CHRM3: variants seen among roughly 807,000 people sequenced by gnomAD.
CHRM3 encodes muscarinic acetylcholine receptor M3.
A neutral mutation model predicts 41.8 loss-of-function variants in CHRM3; 11 were observed. That is an observed-to-expected ratio of 0.26 (90% CI 0.17 to 0.44). The LOEUF is 0.44. Among genes scored for constraint, CHRM3 ranks in the 20% least tolerant of loss-of-function variants. The probability of loss-of-function intolerance (pLI) is 1.00; values close to 1 mark genes in which losing one functional copy is unlikely to be tolerated. For missense variants in CHRM3, 571 were observed against 745.4 expected (o/e 0.77, Z 2.72); for synonymous variants, 297 against 301.4 (o/e 0.99, Z 0.15).
intron 3 of CHRM3, among the ~76,000 whole-genome samples, chr1:239,561,176 G>A (rs899258267): frequency 6.6e-6 from 1 of 152,168 alleles, no homozygotes; most frequent in African/African-American, 2.4e-5. Flanking sequence ...GTTATCTGCA[G>A]AGTCATGATG....
chr1:239,872,014 G>A (rs764615985), intron 6 of CHRM3, among the ~76,000 whole-genome samples: 4 of 152,124 alleles, frequency 2.6e-5, no homozygotes, highest in Non-Finnish European at 4.4e-5. Context: ...TAATTGGCCC[G>A]TCATTGTTCG....
At chr1:239,543,664 C>T (rs1425182186) in intron 2 of CHRM3, among the ~76,000 whole-genome samples, 1 of 151,980 alleles carries the variant, frequency 6.6e-6, no homozygotes, top group African/African-American at 2.4e-5. Flanking sequence ...CCCACCACCA[C>T]GCCCGGCTAA....
chr1:239,391,839 C>G (rs1221845190), intron 1 of CHRM3, among the ~76,000 whole-genome samples: 1 of 152,294 alleles, frequency 6.6e-6, no homozygotes, highest in East Asian at 1.9e-4. Flanking sequence ...CTGGCAGATG[C>G]CTTGTGGGCT....
chr1:239,608,703 T>G (rs1361282245), intron 3 of CHRM3, among the ~76,000 whole-genome samples: 1 of 152,182 alleles, frequency 6.6e-6, no homozygotes, highest in Non-Finnish European at 1.5e-5. Flanking sequence ...AGGTCAACAT[T>G]TGTGGGTTCC....
chr1:239,530,097 G>A (rs551726426), intron 2 of CHRM3, among the ~76,000 whole-genome samples: 2 of 152,174 alleles, frequency 1.3e-5, no homozygotes, highest in East Asian at 1.9e-4. Context: ...TAGAGATGGG[G>A]TTTCACCGTG....
intron 6 of CHRM3, among the ~76,000 whole-genome samples, chr1:239,828,394 A>G (rs1672635267): frequency 6.6e-6 from 1 of 152,166 alleles, no homozygotes; most frequent in Non-Finnish European, 1.5e-5. Context: ...ACACAGGTGT[A>G]TATATACACA....
intron 2 of CHRM3, among the ~76,000 whole-genome samples, chr1:239,529,505 G>C (rs1442624779): frequency 6.6e-6 from 1 of 151,340 alleles, no homozygotes; most frequent in African/African-American, 2.4e-5. Flanking sequence ...CCAGCCACTC[G>C]GGAGGCTGAG....
At chr1:239,813,381 TAA>T (rs1246591601) in intron 5 of CHRM3, among the ~76,000 whole-genome samples, 1 of 152,136 alleles carries the variant, frequency 6.6e-6, no homozygotes, top group East Asian at 1.9e-4. Context: ...AAATAAAACT[TAA>T]AGAGAGAAAA....
intron 6 of CHRM3, among the ~76,000 whole-genome samples, chr1:239,844,182 T>C (rs993143192): frequency 2.6e-5 from 4 of 152,164 alleles, no homozygotes; most frequent in African/African-American, 9.6e-5. Context: ...GTATTCCTCC[T>C]AACAGAAATT....
chr1:239,679,060 T>TAGATAGATAGATAG (rs1658303728), intron 5 of CHRM3, among the ~76,000 whole-genome samples: 1 of 76,162 alleles, frequency 1.3e-5, no homozygotes. Context: ...TAGATAGATA[T>TAGATAGATAGATAG]AGACATAGGT....
In CHRM3 at chr1:239,642,031, G is replaced by A. The variant is rs1262518315; in HGVS notation, c.-250+9745G>A. 2.4e-5 allele frequency among the ~76,000 whole-genome samples: 3 copies of A among 127,054 alleles called. 1 individual carries two copies. The Admixed American group carries it at 2.4e-4, about 10-fold the overall frequency. 83.4% of individuals were successfully genotyped at this position (127,054 alleles called of 152,430 possible). ...ATTTCTCCTCCACTTATGAAGCTTAGTTTGGCTGGATATGAAATTCTGGGT... is the reference window on the plus strand; with the variant it reads ...ATTTCTCCTCCACTTATGAAGCTTAATTTGGCTGGATATGAAATTCTGGGT... On this transcript the variant is annotated intron_variant, in intron 4 of 6. Transcript: ENST00000676153.
chr1:239,418,442 AGGGACCAACATCTGT>A (rs1277097554), intron 1 of CHRM3, among the ~76,000 whole-genome samples: 4 of 152,166 alleles, frequency 2.6e-5, no homozygotes, highest in Admixed American at 6.6e-5. Context: ...TTCTACATTA[AGGGACCAACATCTGT>A]GTATGTGGTA....
chr1:239,432,668 AGGAAC>A (rs1448264569), intron 1 of CHRM3, among the ~76,000 whole-genome samples: 1 of 152,226 alleles, frequency 6.6e-6, no homozygotes, highest in Non-Finnish European at 1.5e-5. Context: ...AGCAAGATAA[AGGAAC>A]GTATGAAAAT....
At chr1:239,485,852 G>A (rs1474123931) in intron 1 of CHRM3, among the ~76,000 whole-genome samples, 4 of 152,064 alleles carry the variant, frequency 2.6e-5, no homozygotes, top group Non-Finnish European at 4.4e-5. Flanking sequence ...TCTGTCAGTC[G>A]GTGATCTGCC....
At chr1:239,823,170 T>G (rs905926430) in intron 5 of CHRM3, among the ~76,000 whole-genome samples, 1 of 152,212 alleles carries the variant, frequency 6.6e-6, no homozygotes, top group Non-Finnish European at 1.5e-5. Flanking sequence ...TTTAAATTAC[T>G]ATTTCCTACA....
At chr1:239,753,922 T>C (rs1007819754) in intron 5 of CHRM3, among the ~76,000 whole-genome samples, 4 of 152,326 alleles carry the variant, frequency 2.6e-5, no homozygotes, top group African/African-American at 9.6e-5. Flanking sequence ...TCCAACATCG[T>C]CAATCATGTG....
chr1:239,836,588 T>G (rs1382543458), intron 6 of CHRM3, among the ~76,000 whole-genome samples: 5 of 152,106 alleles, frequency 3.3e-5, no homozygotes, highest in African/African-American at 1.2e-4. Flanking sequence ...ACCTTGAACC[T>G]CCTTTTCACC....
At chr1:239,419,695 A>G (rs1661782114) in intron 1 of CHRM3, among the ~76,000 whole-genome samples, 1 of 152,210 alleles carries the variant, frequency 6.6e-6, no homozygotes, top group South Asian at 2.1e-4. Context: ...TGAAATGGTA[A>G]CAATGCCCAC....
chr1:239,882,834 A>C (rs1445913394), intron 6 of CHRM3, among the ~76,000 whole-genome samples: 1 of 152,224 alleles, frequency 6.6e-6, no homozygotes, highest in African/African-American at 2.4e-5. Context: ...CCCCTAAGGC[A>C]GGGCACACTG....
Sources: gnomAD v4.1 joint callset for allele counts (sites outside exome capture counted in the v4.1 genomes callset) on GRCh38, gnomAD v4.1.1 for gene constraint, MANE v1.5 for transcripts, NCBI Gene and HGNC (gene_info 2026-07-23, HGNC 2026-07-21) for gene names.